Variants in ALK observed in about 807,000 individuals in gnomAD.
ALK encodes ALK tyrosine kinase receptor.
In ALK, 74 loss-of-function variants were observed where a neutral mutation model predicts 163.1. The ratio of observed to expected loss-of-function variants is 0.45; its 90% CI spans 0.38 to 0.55. The LOEUF is 0.55. ALK is among the 20% of genes least tolerant of loss of function. ALK has a pLI of 0.00. For synonymous variants in ALK, 960 were observed against 843.2 expected, an observed-to-expected ratio of 1.14 and a Z score of -2.40; for missense variants, 2,063 against 2,105.3, an observed-to-expected ratio of 0.98 and a Z score of 0.39.
chr2:29,736,422 C>A (rs1286911406), intron 1 of ALK, among the ~76,000 whole-genome samples: 3 of 151,722 alleles, frequency 2.0e-5, no homozygotes. Context: ...TAAAGTAAGC[C>A]ATGTTCATGC....
intron 8 of ALK, among the ~76,000 whole-genome samples, chr2:29,310,764 C>T (rs6751122): frequency 0.018 from 2,747 of 152,280 alleles, 86 homozygotes; most frequent in African/African-American, 0.063. Flanking sequence ...GTGCATCCAG[C>T]CAGTCAAGTG....
In ALK at chr2:29,549,470, G is replaced by T. The variant is rs552985532; in HGVS notation, c.953-17354C>A. On this transcript the variant is annotated intron_variant, in intron 3 of 28. Coordinates refer to ENST00000389048, the MANE Select transcript of ALK (RefSeq NM_004304.5). ...ATAGATGCTATCCCCAGTTGTAGTTGTGTGTCTAATAATGGCAGCCAATAG... is the reference window on the plus strand; with the variant it reads ...ATAGATGCTATCCCCAGTTGTAGTTTTGTGTCTAATAATGGCAGCCAATAG... Among the ~76,000 whole-genome samples the T allele has an allele frequency of 1.8e-3, 279 of 152,314 alleles. 1 individual carries two copies. Among genetic ancestry groups the T allele is most frequent in the Non-Finnish European group, 3.2e-3 (220 of 68,036 alleles).
At chr2:29,561,115 T>C (rs1674010380) in intron 3 of ALK, among the ~76,000 whole-genome samples, 2 of 152,234 alleles carry the variant, frequency 1.3e-5, no homozygotes, top group Non-Finnish European at 2.9e-5. Context: ...AAATGTATTA[T>C]TAAAATTAAT....
chr2:29,830,768 G>T (rs957765948), intron 1 of ALK, among the ~76,000 whole-genome samples: 1 of 139,312 alleles, frequency 7.2e-6, no homozygotes, highest in East Asian at 2.2e-4. Flanking sequence ...GCCAAGCATG[G>T]TGGCATGTGC....
At chr2:29,251,016 G>A (rs1315039127) in intron 12 of ALK, 89 bp downstream of exon 12, 19 of 1,392,210 alleles carry the variant, frequency 1.4e-5, no homozygotes, top group Non-Finnish European at 1.6e-5. Context: ...ACATGCCTGG[G>A]CACCCCAGGA....
chr2:29,580,054 GA>G (rs1167667638), intron 3 of ALK, among the ~76,000 whole-genome samples: 2 of 152,166 alleles, frequency 1.3e-5, no homozygotes, highest in African/African-American at 4.8e-5. Context: ...TTATAACGCA[GA>G]AATTGGCTCT....
rs188166373 is a variant in ALK, at chr2:29,421,790, A to G, written c.1155-37931T>C. ...TCAGGCATCCTGTGTACCTCTGCCC[A>G]GATCGCAGCCGCAGTGGGGATAAAG... On this transcript the variant is annotated intron_variant, in intron 4 of 28. Coordinates refer to ENST00000389048, the MANE Select transcript of ALK (RefSeq NM_004304.5). 5.6e-4 allele frequency among the ~76,000 whole-genome samples: 85 copies of G among 151,720 alleles called. 4 individuals are homozygous for G. Among genetic ancestry groups the G allele is most frequent in the African/African-American group, 2.0e-3 (83 of 40,986 alleles).
chr2:29,229,197 A>G (rs1018548557), intron 15 of ALK, 131 bp from the exon 16 acceptor site: 7 of 796,830 alleles, frequency 8.8e-6, no homozygotes, highest in East Asian at 2.7e-5. Flanking sequence ...GCCCATCTTC[A>G]GTGGGGCCTG....
intron 4 of ALK, among the ~76,000 whole-genome samples, chr2:29,427,647 A>G (rs1333272268): frequency 1.3e-5 from 2 of 151,424 alleles, no homozygotes; most frequent in Non-Finnish European, 3.0e-5. Flanking sequence ...AAAGAACAAA[A>G]GACATGAGAC....
chr2:29,245,436 C>T (rs1473460455), intron 12 of ALK, among the ~76,000 whole-genome samples: 1 of 141,858 alleles, frequency 7.0e-6, no homozygotes, highest in Non-Finnish European at 1.5e-5. Context: ...CTCCATGGCT[C>T]AGTGCCCTGC....
intron 3 of ALK, among the ~76,000 whole-genome samples, chr2:29,541,523 T>G (rs372600083): frequency 6.6e-6 from 1 of 152,166 alleles, no homozygotes; most frequent in South Asian, 2.1e-4. Flanking sequence ...ACTCCTGACC[T>G]CAAGTGATCC....
At position 29,580,487 on chromosome 2, in the gene ALK, G is replaced by A. The variant is rs77886498; in HGVS notation, c.953-48371C>T. On this transcript the variant is annotated intron_variant, in intron 3 of 28. Coordinates refer to ENST00000389048, the MANE Select transcript of ALK (RefSeq NM_004304.5). ...GATTTCAGGCCCAGCCACAGCACAC[G>A]TCTCCGGTTGACATAACCCCCATTT... Among the ~76,000 whole-genome samples, 195 of 152,246 alleles carry A rather than the reference G, an allele frequency of 1.3e-3. 1 individual carries two copies. The East Asian group carries it at 0.033, about 26-fold the overall frequency.
At chr2:29,401,005 C>T (rs1669431484) in intron 4 of ALK, among the ~76,000 whole-genome samples, 1 of 152,016 alleles carries the variant, frequency 6.6e-6, no homozygotes, top group Admixed American at 6.6e-5. Flanking sequence ...GTTTTTGGCC[C>T]ACAATTAAAC....
chr2:29,318,410 A>T lies in ALK; in HGVS notation c.1547-6T>A. 1 of 1,599,072 alleles carries T rather than the reference A, an allele frequency of 6.3e-7. No individual in the cohort carries two copies. Among genetic ancestry groups the T allele is most frequent in the Non-Finnish European group, 8.6e-7 (1 of 1,166,314 alleles). ...ACTGAGCAATAGAGCATGGTCTAGG[A>T]GAGAGGAAAAGAATCACAAGCACGC... On this transcript the variant is annotated splice_region_variant and splice_polypyrimidine_tract_variant and intron_variant, in intron 7 of 28. Coordinates refer to ENST00000389048, the MANE Select transcript of ALK (RefSeq NM_004304.5).
At chr2:29,696,559 C>G (rs1462562940) in intron 2 of ALK, among the ~76,000 whole-genome samples, 1 of 143,198 alleles carries the variant, frequency 7.0e-6, no homozygotes, top group Non-Finnish European at 1.5e-5. Flanking sequence ...AAAAAGAATT[C>G]CAGATGGCCT....
chr2:29,217,285 CTG>C (rs916401476), intron 23 of ALK, among the ~76,000 whole-genome samples: 8 of 140,522 alleles, frequency 5.7e-5, no homozygotes, highest in Admixed American at 4.5e-4. Flanking sequence ...TGGTGCATGT[CTG>C]TGGTGTGTGT....
chr2:29,680,786 C>G (rs1221365278), intron 3 of ALK, among the ~76,000 whole-genome samples: 1 of 152,036 alleles, frequency 6.6e-6, no homozygotes, highest in East Asian at 1.9e-4. Flanking sequence ...TAAAACTGAA[C>G]ATTTTAGAAA....
chr2:29,446,328 T>C (rs559429108), intron 4 of ALK, among the ~76,000 whole-genome samples: 14 of 152,132 alleles, frequency 9.2e-5, no homozygotes, highest in Middle Eastern at 6.8e-3. Flanking sequence ...CAGGACTATT[T>C]ACCAGGCTAT....
chr2:29,918,752 C>T (rs139147308), intron 1 of ALK, among the ~76,000 whole-genome samples: 1 of 152,296 alleles, frequency 6.6e-6, no homozygotes, highest in East Asian at 1.9e-4. Context: ...TGTAGCTCTA[C>T]AATGGGCCCT....
Sources: gnomAD v4.1 joint callset for allele counts (sites outside exome capture counted in the v4.1 genomes callset) on GRCh38, gnomAD v4.1.1 for gene constraint, MANE v1.5 for transcripts, NCBI Gene and HGNC (gene_info 2026-07-23, HGNC 2026-07-21) for gene names.